COL23A1: variants seen among roughly 807,000 people sequenced by gnomAD.
COL23A1 encodes collagen alpha-1(XXIII) chain.
A neutral mutation model predicts 99.3 loss-of-function variants in COL23A1; 97 were observed. That is an observed-to-expected ratio of 0.98 (90% CI 0.83 to 1.16). COL23A1 has a LOEUF of 1.16. Among genes scored for constraint, COL23A1 ranks in the 50% most tolerant of loss-of-function variants. COL23A1 has a pLI of 0.00. For synonymous variants in COL23A1, 320 were observed against 308.2 expected, an observed-to-expected ratio of 1.04 and a Z score of -0.40; for missense variants, 762 against 757.4, an observed-to-expected ratio of 1.01 and a Z score of -0.07.
At chr5:178,453,822 T>C (rs1007324267) in intron 2 of COL23A1, among the ~76,000 whole-genome samples, 4 of 152,136 alleles carry the variant, frequency 2.6e-5, no homozygotes, top group Admixed American at 2.6e-4. Context: ...GTCTCACTTC[T>C]CACCACGATT....
At chr5:178,501,826 C>T (rs1476645326) in intron 2 of COL23A1, among the ~76,000 whole-genome samples, 1 of 152,194 alleles carries the variant, frequency 6.6e-6, no homozygotes, top group East Asian at 1.9e-4. Context: ...TCCCACCCAG[C>T]CAGCCCAGCA....
rs538723577 is a variant in COL23A1, at chr5:178,387,943, G to A, written c.362-81024C>T. Among the ~76,000 whole-genome samples the A allele has an allele frequency of 9.9e-4, 151 of 152,300 alleles. 1 individual carries two copies. Among genetic ancestry groups the A allele is most frequent in the African/African-American group, 3.5e-3 (146 of 41,562 alleles). ...GGCACTGCAAGAACTGCCAGTGAAGGACAGAAATGGGCAAGTGGGAGGAGA... is the reference window on the plus strand; with the variant it reads ...GGCACTGCAAGAACTGCCAGTGAAGAACAGAAATGGGCAAGTGGGAGGAGA... On this transcript the variant is annotated intron_variant, in intron 2 of 28. Coordinates refer to ENST00000390654, the MANE Select transcript of COL23A1 (RefSeq NM_173465.4). This position sits in a 1 kb window ranked among gnomAD's most constrained non-coding sequence, Gnocchi z 4.7.
At chr5:178,492,216 G>A (rs1476161285) in intron 2 of COL23A1, among the ~76,000 whole-genome samples, 1 of 152,134 alleles carries the variant, frequency 6.6e-6, no homozygotes, top group Non-Finnish European at 1.5e-5. Flanking sequence ...ATTTGGCCAT[G>A]TTATGAACTG....
At chr5:178,557,053 G>T (rs1581632848) in intron 2 of COL23A1, among the ~76,000 whole-genome samples, 1 of 152,210 alleles carries the variant, frequency 6.6e-6, no homozygotes, top group Non-Finnish European at 1.5e-5. Flanking sequence ...AGTTCTAGGG[G>T]CAAGAAGTCC....
intron 3 of COL23A1, among the ~76,000 whole-genome samples, chr5:178,297,275 C>T (rs1757796114): frequency 6.6e-6 from 1 of 152,262 alleles, no homozygotes; most frequent in African/African-American, 2.4e-5. Context: ...AATCCCAGCA[C>T]TTTGGGAGGC....
intron 2 of COL23A1, among the ~76,000 whole-genome samples, chr5:178,450,497 AG>A (rs768716614): frequency 6.6e-6 from 1 of 152,144 alleles, no homozygotes; most frequent in Non-Finnish European, 1.5e-5. Flanking sequence ...GCTGAGAACG[AG>A]GGAGCTACAG....
At chr5:178,282,804 A>T (rs1386177644) in intron 5 of COL23A1, among the ~76,000 whole-genome samples, 1 of 152,158 alleles carries the variant, frequency 6.6e-6, no homozygotes, top group Non-Finnish European at 1.5e-5. Flanking sequence ...TCCCAAAGGA[A>T]GCACCATGAG....
intron 2 of COL23A1, among the ~76,000 whole-genome samples, chr5:178,316,696 C>G (rs189973358): frequency 5.9e-5 from 9 of 152,230 alleles, no homozygotes; most frequent in African/African-American, 1.9e-4. Context: ...AGGAAAAATT[C>G]CAACCACAGT....
At chr5:178,288,539 C>A in intron 4 of COL23A1, 189 bp from the exon 5 acceptor site, 1 of 658,308 alleles carries the variant, frequency 1.5e-6, no homozygotes. Context: ...CCTCAGAGGG[C>A]CAGGCTGGAG....
At chr5:178,499,241 T>A (rs1380920733) in intron 2 of COL23A1, among the ~76,000 whole-genome samples, 1 of 152,078 alleles carries the variant, frequency 6.6e-6, no homozygotes, top group Non-Finnish European at 1.5e-5. Context: ...AACGCGCCTA[T>A]GAAACCGGAC....
chr5:178,534,557 G>A (rs1581584214), intron 2 of COL23A1, among the ~76,000 whole-genome samples: 3 of 152,276 alleles, frequency 2.0e-5, no homozygotes, highest in South Asian at 4.1e-4. Flanking sequence ...AAGGCGGGCA[G>A]ATCACGAGGT....
At chr5:178,391,661 A>ATTTGAATGTAAAAAAAACCTGC (rs1260437197) in intron 2 of COL23A1, among the ~76,000 whole-genome samples, 3 of 152,158 alleles carry the variant, frequency 2.0e-5, no homozygotes, top group Non-Finnish European at 4.4e-5. Flanking sequence ...GCAGCTTTGG[A>ATTTGAATGTAAAAAAAACCTGC]AGACAGTCTG....
intron 2 of COL23A1, among the ~76,000 whole-genome samples, chr5:178,358,173 ATGTG>A (rs949296405): frequency 1.5e-5 from 2 of 136,598 alleles, no homozygotes; most frequent in Admixed American, 1.5e-4. Context: ...TCTAATGTGT[ATGTG>A]TATGTATGTG....
chr5:178,327,681 C>T (rs1008247242), intron 2 of COL23A1, among the ~76,000 whole-genome samples: 1 of 152,144 alleles, frequency 6.6e-6, no homozygotes, highest in Admixed American at 6.5e-5. Context: ...CACTGGCAGA[C>T]AGTGCACGTG....
intron 2 of COL23A1, among the ~76,000 whole-genome samples, chr5:178,454,976 C>T (rs1469119779): frequency 6.6e-6 from 1 of 152,234 alleles, no homozygotes; most frequent in Non-Finnish European, 1.5e-5. Flanking sequence ...AGGCGCCTGC[C>T]ATCCTTGGTG....
chr5:178,378,697 C>T (rs959462280), intron 2 of COL23A1, among the ~76,000 whole-genome samples: 4 of 152,136 alleles, frequency 2.6e-5, no homozygotes, highest in African/African-American at 9.7e-5. Flanking sequence ...GCGCTGAGTG[C>T]CCAGGGAGGT....
intron 2 of COL23A1, among the ~76,000 whole-genome samples, chr5:178,470,750 G>C (rs537960859): frequency 4.7e-4 from 72 of 151,954 alleles, no homozygotes; most frequent in Non-Finnish European, 8.2e-4. Context: ...ACAGAATACA[G>C]TGGCACTTCC....
rs147320333 is a variant in COL23A1, at chr5:178,544,857, T to C, written c.361+15825A>G. On this transcript the variant is annotated intron_variant, in intron 2 of 28. Transcript: ENST00000390654. The surrounding 1 kb of genome is among the most constrained non-coding windows in gnomAD (Gnocchi z 4.4). ...GGGTGGATTGGTGGAGCCCAGGAGT[T>C]TGAGACCAGGGAGGCCAGGCTGAGC... is the stretch of plus-strand genomic sequence containing the variant. 4.9e-4 allele frequency among the ~76,000 whole-genome samples: 75 copies of C among 152,224 alleles called. No individual in the cohort carries two copies. The highest frequency in any genetic ancestry group is 7.6e-4 in the Non-Finnish European group (52 of 68,012).
At chr5:178,343,663 A>AT (rs745537028) in intron 2 of COL23A1, among the ~76,000 whole-genome samples, 6,110 of 134,324 alleles carry the variant, frequency 0.045, 188 homozygotes, top group Admixed American at 0.083. Flanking sequence ...ATATATATAT[A>AT]TTTTTTTTTT....
Sources: gnomAD v4.1 joint callset for allele counts (sites outside exome capture counted in the v4.1 genomes callset) on GRCh38, gnomAD v4.1.1 for gene constraint, Gnocchi (gnomAD v3.1) non-coding constraint, MANE v1.5 for transcripts, NCBI Gene and HGNC (gene_info 2026-07-23, HGNC 2026-07-21) for gene names.